HSPA12A: variants seen among roughly 807,000 people sequenced by gnomAD.
HSPA12A encodes the protein heat shock protein family A (Hsp70) member 12A.
Under a neutral mutation model 69.2 loss-of-function variants are expected in HSPA12A, and 28 were observed. The ratio of observed to expected loss-of-function variants is 0.40; its 90% CI spans 0.30 to 0.55. The LOEUF (loss-of-function observed/expected upper bound fraction) is 0.55. HSPA12A is among the 20% of genes least tolerant of loss of function. HSPA12A has a pLI of 0.38. For synonymous variants in HSPA12A, 345 were observed against 370.5 expected (o/e 0.93, Z 0.79); for missense variants, 686 against 900.7 (o/e 0.76, Z 3.05).
intron 3 of HSPA12A, among the ~76,000 whole-genome samples, chr10:116,704,749 T>C (rs758180464): frequency 1.3e-5 from 2 of 152,308 alleles, no homozygotes; most frequent in Admixed American, 6.5e-5. Flanking sequence ...AGGATTCCCA[T>C]TTCACAGATG....
chr10:116,690,425 G>C (rs190411722), intron 6 of HSPA12A, among the ~76,000 whole-genome samples: 2 of 152,304 alleles, frequency 1.3e-5, no homozygotes, highest in East Asian at 1.9e-4. Context: ...GCAATTGAAT[G>C]ATCGCCGCCC....
chr10:116,760,422 G>A (rs1843943128), intron 2 of HSPA12A, among the ~76,000 whole-genome samples: 1 of 152,066 alleles, frequency 6.6e-6, no homozygotes, highest in South Asian at 2.1e-4. Context: ...GTCAGAAACT[G>A]GATTCATAGC....
intron 6 of HSPA12A, among the ~76,000 whole-genome samples, chr10:116,687,368 C>T (rs943678634): frequency 1.1e-4 from 16 of 152,138 alleles, no homozygotes; most frequent in African/African-American, 2.7e-4. Context: ...TGGGAGGCCT[C>T]GGACAAAGTA....
chr10:116,748,874 C>T (rs546206474), intron 2 of HSPA12A, among the ~76,000 whole-genome samples: 211 of 152,238 alleles, frequency 1.4e-3, no homozygotes, highest in Non-Finnish European at 2.7e-3. Context: ...GAGATTTGGG[C>T]GGGGACACAG....
At chr10:116,835,482 G>A (rs1266979480) in intron 1 of HSPA12A, among the ~76,000 whole-genome samples, 2 of 151,912 alleles carry the variant, frequency 1.3e-5, no homozygotes, top group East Asian at 3.9e-4. Context: ...TGTACCACCA[G>A]CCCATCCCAG....
intron 1 of HSPA12A, among the ~76,000 whole-genome samples, chr10:116,729,148 GA>G (rs1472763945): frequency 2.0e-5 from 3 of 152,194 alleles, no homozygotes; most frequent in South Asian, 2.1e-4. Flanking sequence ...CCCAAGGACT[GA>G]CAAAGGGCAC....
At chr10:116,702,232 A>G (rs1235672159) in intron 3 of HSPA12A, among the ~76,000 whole-genome samples, 1 of 152,198 alleles carries the variant, frequency 6.6e-6, no homozygotes, top group African/African-American at 2.4e-5. Context: ...CAGAGAGGCC[A>G]GGGCCACCAA....
chr10:116,715,570 G>A (rs1554883701), intron 1 of HSPA12A, among the ~76,000 whole-genome samples: 1 of 152,166 alleles, frequency 6.6e-6, no homozygotes, highest in East Asian at 1.9e-4. Context: ...ATTAAACAAG[G>A]TTGGCCACAA....
upstream of HSPA12A, among the ~76,000 whole-genome samples, chr10:116,746,948 T>C (rs1186914897): frequency 6.6e-6 from 1 of 152,244 alleles, no homozygotes; most frequent in Non-Finnish European, 1.5e-5. Flanking sequence ...GTCCATGAAC[T>C]GAATATCATA....
intron 1 of HSPA12A, among the ~76,000 whole-genome samples, chr10:116,840,540 T>TTTA (rs1348606483): frequency 1.3e-5 from 2 of 152,214 alleles, no homozygotes; most frequent in Non-Finnish European, 2.9e-5. Context: ...AAAGAAAGCA[T>TTTA]TTATGATTAG....
At chr10:116,702,473 G>A (rs993274501) in intron 3 of HSPA12A, among the ~76,000 whole-genome samples, 2 of 152,134 alleles carry the variant, frequency 1.3e-5, no homozygotes, top group Admixed American at 6.5e-5. Flanking sequence ...ATGGAGCTCC[G>A]GCCTCCACTG....
intron 5 of HSPA12A, among the ~76,000 whole-genome samples, chr10:116,694,767 C>T (rs1849837762): frequency 6.6e-6 from 1 of 152,186 alleles, no homozygotes; most frequent in Non-Finnish European, 1.5e-5. Context: ...GGCGCTGAGC[C>T]TGTCCCTCTG....
At chr10:116,698,849 G>A (rs1849996022) in intron 4 of HSPA12A, 110 bp from the exon 5 acceptor site, 1 of 813,806 alleles carries the variant, frequency 1.2e-6, no homozygotes, top group Non-Finnish European at 2.1e-6. Flanking sequence ...AGCCATGTCT[G>A]TGTTCCCCCA....
Position 116,675,226 on chromosome 10 carries a change from A to T in HSPA12A, c.1583T>A (p.Ile528Asn), listed in dbSNP as rs782302172. 1 of 1,613,686 alleles carries T rather than the reference A, an allele frequency of 6.2e-7. No individual in the cohort carries two copies. The highest frequency in any genetic ancestry group is 1.1e-5 in the South Asian group (1 of 91,076). The change falls in exon 12 of 12, where the codon ATC becomes AAC. Residue 528 changes from isoleucine to asparagine, a missense_variant. By Grantham distance (149) the Ile-to-Asn change is moderately radical. Coordinates refer to ENST00000369209, the MANE Select transcript of HSPA12A (RefSeq NM_025015.3). The surrounding 1 kb of genome is among the most constrained non-coding windows in gnomAD (Gnocchi z 5.2). ...AVLFGLDPAV[I>N]KVRRSPLTYG... ...GGTGAGCGGCGACCGGCGCACCTTG[A>T]TGACCGCGGGGTCCAGGCCAAAGAG...
At chr10:116,728,985 T>C (rs782674314) in intron 1 of HSPA12A, among the ~76,000 whole-genome samples, 3 of 152,204 alleles carry the variant, frequency 2.0e-5, no homozygotes, top group Non-Finnish European at 2.9e-5. Context: ...CACACATCCC[T>C]GCAGGCGGCC....
intron 1 of HSPA12A, among the ~76,000 whole-genome samples, chr10:116,843,553 A>G (rs1845835800): frequency 6.6e-6 from 1 of 152,228 alleles, no homozygotes; most frequent in South Asian, 2.1e-4. Context: ...AGGTCAAGTA[A>G]TTTGTAAAAG....
chr10:116,796,591 G>A (rs893011720), intron 2 of HSPA12A, among the ~76,000 whole-genome samples: 10 of 152,158 alleles, frequency 6.6e-5, no homozygotes, highest in African/African-American at 2.4e-4. Flanking sequence ...AGGTTAGAAA[G>A]TTGTCCCTTC....
At chr10:116,725,674 T>C (rs1288085209) in intron 1 of HSPA12A, among the ~76,000 whole-genome samples, 1 of 152,112 alleles carries the variant, frequency 6.6e-6, no homozygotes, top group Non-Finnish European at 1.5e-5. Flanking sequence ...AGGGGCGCTA[T>C]CTTGGGACAC....
At chr10:116,679,404 G>A in intron 10 of HSPA12A, 99 bp downstream of exon 10, 1 of 1,455,896 alleles carries the variant, frequency 6.9e-7, no homozygotes, top group East Asian at 2.3e-5. Context: ...CAGCAAGTGT[G>A]TAGGATTGGA....
Sources: allele counts gnomAD v4.1 joint callset (sites outside exome capture counted in the v4.1 genomes callset), GRCh38; gene constraint gnomAD v4.1.1; non-coding constraint Gnocchi (gnomAD v3.1); transcripts MANE v1.5; gene names NCBI Gene and HGNC (gene_info 2026-07-23, HGNC 2026-07-21).